Variants in NUP155 observed in about 807,000 individuals in gnomAD.
NUP155 encodes nuclear pore complex protein Nup155.
A neutral mutation model predicts 180.4 loss-of-function variants in NUP155; 71 were observed. The observed-to-expected ratio is 0.39, with a 90% CI of 0.33 to 0.48. The LOEUF (loss-of-function observed/expected upper bound fraction) is 0.48. NUP155 is among the 20% of genes least tolerant of loss of function. NUP155 has a pLI of 0.91. For missense variants in NUP155, 1,553 were observed against 1,648.9 expected (o/e 0.94, Z 1.01); for synonymous variants, 582 against 559.5 (o/e 1.04, Z -0.57).
At chr5:37,305,257 C>G in intron 25 of NUP155, 47 bp from the exon 26 acceptor site, 1 of 1,532,010 alleles carries the variant, frequency 6.5e-7, no homozygotes, top group Non-Finnish European at 9.0e-7. Context: ...AACTAGAAAG[C>G]AAATGATGGT....
chr5:37,342,785 G>T, intron 9 of NUP155, 139 bp from the exon 10 acceptor site: 1 of 639,354 alleles, frequency 1.6e-6, no homozygotes, highest in East Asian at 3.2e-5. Context: ...CACCCAGGCT[G>T]GAGGAGAGTG....
intron 32 of NUP155, among the ~76,000 whole-genome samples, chr5:37,296,362 G>A (rs1018352547): frequency 1.6e-4 from 25 of 152,056 alleles, no homozygotes; most frequent in African/African-American, 5.8e-4. Flanking sequence ...GGATCCTGTT[G>A]ATCTGTGACC....
chr5:37,367,509 C>A (rs920740044), intron 1 of NUP155, among the ~76,000 whole-genome samples: 1 of 151,636 alleles, frequency 6.6e-6, no homozygotes, highest in Non-Finnish European at 1.5e-5. Flanking sequence ...ACCACCGAGC[C>A]CAGCCAAACA....
intron 4 of NUP155, 56 bp from the exon 5 acceptor site, chr5:37,352,885 G>T: frequency 8.2e-7 from 1 of 1,213,204 alleles, no homozygotes; most frequent in Non-Finnish European, 1.2e-6. Context: ...CACTAACAGA[G>T]TAAGCTTTTA....
chr5:37,325,661 C>T (rs985583810), intron 19 of NUP155, among the ~76,000 whole-genome samples: 2 of 147,780 alleles, frequency 1.4e-5, no homozygotes, highest in Non-Finnish European at 3.0e-5. Context: ...CCCAGGTACT[C>T]AGGAGGCTGA....
chr5:37,337,790 T>C (rs780903199), intron 12 of NUP155, 28 bp downstream of exon 12: 1 of 1,375,484 alleles, frequency 7.3e-7, no homozygotes, highest in South Asian at 1.2e-5. Flanking sequence ...TATATAATAG[T>C]TTTTTCAGAA....
intron 20 of NUP155, among the ~76,000 whole-genome samples, chr5:37,319,810 G>A (rs1050920088): frequency 2.6e-5 from 4 of 152,180 alleles, no homozygotes; most frequent in East Asian, 1.9e-4. Flanking sequence ...GGTCAAAGTT[G>A]CGGTGAGCCG....
intron 9 of NUP155, among the ~76,000 whole-genome samples, chr5:37,345,996 TTA>T (rs1746058718): frequency 6.6e-6 from 1 of 151,076 alleles, no homozygotes; most frequent in African/African-American, 2.4e-5. Flanking sequence ...CAGAAAAAAA[TTA>T]GAGGGAAAAA....
intron 13 of NUP155, 103 bp from the exon 14 acceptor site, chr5:37,331,898 A>G (rs1581171236): frequency 2.6e-6 from 2 of 769,134 alleles, no homozygotes; most frequent in East Asian, 5.3e-5. Flanking sequence ...AAACAAAAAA[A>G]ACCATTCAAC....
In NUP155 at chr5:37,308,424, C is replaced by A. The variant is rs928594465; in HGVS notation, c.2767+705G>T. On this transcript the variant is annotated intron_variant, in intron 24 of 34. Coordinates refer to ENST00000231498, the MANE Select transcript of NUP155 (RefSeq NM_153485.3). ...AAAAATTAGCTGGGCAATGGCCGGG[C>A]GCGGTGGCTCACACCTGTAATCCCA... is the stretch of plus-strand genomic sequence containing the variant. 2.0e-5 allele frequency among the ~76,000 whole-genome samples: 3 copies of A among 151,990 alleles called. No individual in the cohort carries two copies. In the South Asian group the frequency reaches 6.2e-4, roughly 32 times the overall value.
At chr5:37,355,378 C>A (rs1399252796) in intron 4 of NUP155, among the ~76,000 whole-genome samples, 1 of 150,674 alleles carries the variant, frequency 6.6e-6, no homozygotes, top group African/African-American at 2.4e-5. Flanking sequence ...AATGGTGGCA[C>A]ATGCCTGAAA....
intron 3 of NUP155, among the ~76,000 whole-genome samples, chr5:37,359,943 C>T (rs1747088833): frequency 6.6e-6 from 1 of 152,080 alleles, no homozygotes; most frequent in African/African-American, 2.4e-5. Context: ...CACAATGATA[C>T]CTGTTTCTAC....
chr5:37,327,838 A>T, intron 17 of NUP155, 62 bp from the exon 18 acceptor site: 1 of 1,553,370 alleles, frequency 6.4e-7, no homozygotes, highest in Non-Finnish European at 8.9e-7. Context: ...TAAATCTCTT[A>T]ATCTTAATCT....
intron 18 of NUP155, 139 bp downstream of exon 18, chr5:37,327,490 A>G (rs1424997980): frequency 3.6e-6 from 3 of 826,800 alleles, no homozygotes; most frequent in Non-Finnish European, 5.9e-6. Context: ...GAATAATAGA[A>G]AAGTTTTATT....
intron 5 of NUP155, 22 bp downstream of exon 5, chr5:37,352,715 G>A (rs765207651): frequency 5.9e-6 from 9 of 1,517,652 alleles, no homozygotes; most frequent in Admixed American, 3.3e-5. Context: ...TTTAAAAAAC[G>A]TTAACATGTG....
intron 19 of NUP155, 66 bp downstream of exon 19, chr5:37,325,835 C>CTAG (rs1581163852): frequency 1.2e-6 from 1 of 834,696 alleles, no homozygotes; most frequent in East Asian, 2.8e-5. Context: ...AAATGTGAAA[C>CTAG]AATCTAACCA....
chr5:37,320,254 G>C (rs1744159790), intron 20 of NUP155, among the ~76,000 whole-genome samples: 1 of 152,086 alleles, frequency 6.6e-6, no homozygotes, highest in African/African-American at 2.4e-5. Context: ...GAGGCGGGTG[G>C]ATAACCTGAG....
intron 1 of NUP155, 26 bp from the exon 2 acceptor site, chr5:37,364,410 T>C (rs1391029248): frequency 6.2e-7 from 1 of 1,606,152 alleles, no homozygotes; most frequent in Admixed American, 1.7e-5. Context: ...GAAGTATTTA[T>C]AATAATGTAC....
chr5:37,353,339 A>C (rs1245219357), intron 4 of NUP155, among the ~76,000 whole-genome samples: 1 of 152,042 alleles, frequency 6.6e-6, no homozygotes, highest in Admixed American at 6.6e-5. Flanking sequence ...CTGTAATCCC[A>C]TGGGAGGCTG....
Sources: allele counts gnomAD v4.1 joint callset (sites outside exome capture counted in the v4.1 genomes callset), GRCh38; gene constraint gnomAD v4.1.1; transcripts MANE v1.5; gene names NCBI Gene and HGNC (gene_info 2026-07-23, HGNC 2026-07-21).